The following AFG1L variants were observed in gnomAD, a reference collection of about 807,000 sequenced individuals.
The protein encoded by AFG1L is AFG1-like ATPase.
A neutral mutation model predicts 62.2 loss-of-function variants in AFG1L; 53 were observed. The ratio of observed to expected loss-of-function variants is 0.85; its 90% CI spans 0.68 to 1.07. AFG1L has a LOEUF of 1.07. AFG1L is among the 50% of genes least tolerant of loss of function. The probability of loss-of-function intolerance (pLI) is 0.00; values close to 1 mark genes in which losing one functional copy is unlikely to be tolerated. For synonymous variants in AFG1L, 228 were observed against 210.3 expected (o/e 1.08, Z -0.73); for missense variants, 555 against 590.5 (o/e 0.94, Z 0.62).
intron 10 of AFG1L, among the ~76,000 whole-genome samples, chr6:108,498,651 T>A (rs1394666640): frequency 2.0e-5 from 3 of 152,184 alleles, no homozygotes; most frequent in African/African-American, 7.2e-5. Flanking sequence ...TATATAATCA[T>A]GAGAAGAAAA....
chr6:108,401,168 C>T (rs913834511), intron 6 of AFG1L, among the ~76,000 whole-genome samples: 2 of 144,318 alleles, frequency 1.4e-5, no homozygotes, highest in African/African-American at 5.1e-5. Flanking sequence ...CGGAGTCTCG[C>T]TCTGTCGCCC....
At chr6:108,319,084 G>A (rs1207925809) in intron 1 of AFG1L, among the ~76,000 whole-genome samples, 3 of 152,052 alleles carry the variant, frequency 2.0e-5, no homozygotes, top group African/African-American at 7.2e-5. Flanking sequence ...CAAAAACTGG[G>A]AATGAAGTCT....
intron 8 of AFG1L, among the ~76,000 whole-genome samples, chr6:108,452,722 A>G (rs929850377): frequency 6.6e-6 from 1 of 152,220 alleles, no homozygotes; most frequent in Non-Finnish European, 1.5e-5. Flanking sequence ...CACAGATAGC[A>G]GTATGAGCAT....
chr6:108,316,608 A>G (rs1777611632), intron 1 of AFG1L, among the ~76,000 whole-genome samples: 1 of 141,938 alleles, frequency 7.0e-6, no homozygotes, highest in Non-Finnish European at 1.5e-5. Flanking sequence ...ATCTCGGCTC[A>G]CTGCAAGCTC....
chr6:108,402,067 C>A lies in AFG1L; in HGVS notation c.807+13C>A, dbSNP rs1781645185. The A allele has an allele frequency of 2.2e-6, 3 of 1,394,534 alleles. No individual in the cohort carries two copies. Among genetic ancestry groups the A allele is most frequent in the East Asian group, 2.6e-5 (1 of 39,160 alleles). 86.4% of individuals were successfully genotyped at this position (1,394,534 alleles called of 1,614,324 possible). Reference sequence around the variant, plus strand: ...AGCAGTCTTGAAGGTAAAAACAAATCATTTATTTGTGTTTACTAAGATCAT... The same window carrying A: ...AGCAGTCTTGAAGGTAAAAACAAATAATTTATTTGTGTTTACTAAGATCAT... On this transcript the variant is annotated intron_variant, in intron 7 of 12. Coordinates refer to ENST00000368977, the MANE Select transcript of AFG1L (RefSeq NM_145315.5).
intron 2 of AFG1L, among the ~76,000 whole-genome samples, chr6:108,330,321 G>A (rs987558476): frequency 4.0e-5 from 6 of 151,722 alleles, no homozygotes; most frequent in Non-Finnish European, 8.8e-5. Flanking sequence ...GACTACAGGT[G>A]CATGCCACCA....
intron 8 of AFG1L, among the ~76,000 whole-genome samples, chr6:108,466,957 A>G (rs1772697889): frequency 6.6e-6 from 1 of 151,906 alleles, no homozygotes; most frequent in South Asian, 2.1e-4. Context: ...TACACACATC[A>G]ATATAGATGA....
At chr6:108,425,598 A>G (rs1194462415) in intron 7 of AFG1L, among the ~76,000 whole-genome samples, 2 of 152,060 alleles carry the variant, frequency 1.3e-5, no homozygotes, top group Non-Finnish European at 2.9e-5. Flanking sequence ...TTTTATTGAG[A>G]GCTCTTTCCG....
chr6:108,372,114 T>G (rs1780036128), intron 6 of AFG1L, among the ~76,000 whole-genome samples: 1 of 151,742 alleles, frequency 6.6e-6, no homozygotes, highest in Non-Finnish European at 1.5e-5. Flanking sequence ...TATGTATATA[T>G]ATATATATTT....
chr6:108,339,914 A>G (rs1166046412), intron 2 of AFG1L, among the ~76,000 whole-genome samples: 1 of 152,148 alleles, frequency 6.6e-6, no homozygotes, highest in Non-Finnish European at 1.5e-5. Flanking sequence ...ATCAAATTAT[A>G]TACTCTTTTA....
chr6:108,302,933 CA>C (rs758886308), intron 1 of AFG1L, among the ~76,000 whole-genome samples: 3,738 of 143,880 alleles, frequency 0.026, 56 homozygotes, highest in Middle Eastern at 0.074. Context: ...GTCAATAGCT[CA>C]AAAAAAAAAA....
intron 7 of AFG1L, among the ~76,000 whole-genome samples, chr6:108,414,907 G>C (rs1782290747): frequency 6.6e-6 from 1 of 152,236 alleles, no homozygotes. Context: ...CATAGTGTTA[G>C]AAGTTCTGGC....
chr6:108,312,532 T>C (rs1777450689), intron 1 of AFG1L, among the ~76,000 whole-genome samples: 1 of 152,132 alleles, frequency 6.6e-6, no homozygotes, highest in African/African-American at 2.4e-5. Context: ...CACTCTAGCC[T>C]GGACGAAGAG....
At chr6:108,407,086 A>G (rs1304900921) in intron 7 of AFG1L, among the ~76,000 whole-genome samples, 2 of 152,082 alleles carry the variant, frequency 1.3e-5, no homozygotes, top group Non-Finnish European at 2.9e-5. Flanking sequence ...TCCAGTTCCT[A>G]CTTGGCCTTC....
At chr6:108,346,283 C>G (rs185526208) in intron 2 of AFG1L, among the ~76,000 whole-genome samples, 6 of 152,252 alleles carry the variant, frequency 3.9e-5, no homozygotes, top group Non-Finnish European at 7.4e-5. Context: ...CTACTTTCAT[C>G]TTGTAAAACT....
rs1773355247 is a variant in AFG1L, at chr6:108,482,320, C to G, written c.1062+5028C>G. 1.3e-5 allele frequency among the ~76,000 whole-genome samples: 2 copies of G among 152,134 alleles called. 1 individual carries two copies. The highest frequency in any genetic ancestry group is 4.8e-5 in the African/African-American group (2 of 41,430). On this transcript the variant is annotated intron_variant, in intron 10 of 12. Coordinates refer to ENST00000368977, the MANE Select transcript of AFG1L (RefSeq NM_145315.5). ...TACTACTTCAGTTTCTACATTGCAACTAACAGTTTAAAAATGACCTCCTTT... is the reference window on the plus strand; with the variant it reads ...TACTACTTCAGTTTCTACATTGCAAGTAACAGTTTAAAAATGACCTCCTTT...
intron 6 of AFG1L, chr6:108,387,983 A>G (rs918066521): frequency 6.6e-6 from 1 of 152,130 alleles, no homozygotes; most frequent in Admixed American, 6.6e-5. Context: ...TAAACAAATG[A>G]GTTGAATAAT....
intron 7 of AFG1L, 52 bp downstream of exon 7, chr6:108,402,106 C>G: frequency 1.1e-6 from 1 of 884,780 alleles, no homozygotes; most frequent in Non-Finnish European, 1.7e-6. Context: ...TATTGATAAT[C>G]AAGGGCTTTA....
intron 10 of AFG1L, among the ~76,000 whole-genome samples, chr6:108,504,390 A>G (rs113426559): frequency 0.043 from 6,522 of 152,230 alleles, 460 homozygotes; most frequent in African/African-American, 0.15. Flanking sequence ...GGAGGCCTGA[A>G]GAGAGGGAGA....
Sources: gnomAD v4.1 joint callset for allele counts (sites outside exome capture counted in the v4.1 genomes callset) on GRCh38, gnomAD v4.1.1 for gene constraint, MANE v1.5 for transcripts, NCBI Gene and HGNC (gene_info 2026-07-23, HGNC 2026-07-21) for gene names.